Variants in SLIT2 observed in about 807,000 individuals in gnomAD.
SLIT2 encodes slit guidance ligand 2.
SLIT2 carries 41 observed loss-of-function variants against 185.7 expected under a neutral mutation model. The ratio of observed to expected loss-of-function variants is 0.22; its 90% CI spans 0.17 to 0.29. The LOEUF is 0.29. SLIT2 is among the 10% of genes least tolerant of loss of function. SLIT2 has a pLI of 1.00. For missense variants in SLIT2, 1,571 were observed against 1,909.0 expected, an observed-to-expected ratio of 0.82 and a Z score of 3.30; for synonymous variants, 693 against 680.2, an observed-to-expected ratio of 1.02 and a Z score of -0.29.
In SLIT2 at chr4:20,553,883, G is replaced by T. The variant is rs748008641; in HGVS notation, c.2640G>T (p.Glu880Asp). ...ACTGGGTGAAGTCGGAATATAAGGA[G>T]CCTGGAATTGCTCGTTGTGCTGGTC... Reference protein sequence around the residue: ...LSDWVKSEYKEPGIARCAGPG... With the variant: ...LSDWVKSEYKDPGIARCAGPG... The change falls in exon 26 of 37, where the codon GAG becomes GAT. Residue 880 changes from glutamate to aspartate, a missense_variant. Glu to Asp is a conservative substitution (Grantham distance 45). This residue lies in a region of SLIT2 where 1,202 missense variants were observed against 1,416.4 expected (regional missense o/e 0.85). Transcript: ENST00000504154. The T allele has an allele frequency of 6.2e-7, 1 of 1,612,614 alleles. No homozygotes were observed.
At chr4:20,318,303 C>T (rs1718769463) in intron 4 of SLIT2, among the ~76,000 whole-genome samples, 1 of 152,134 alleles carries the variant, frequency 6.6e-6, no homozygotes. Flanking sequence ...CAAAGAAGCT[C>T]GGGCCTAGCT....
chr4:20,524,606 C>G (rs1721124963), intron 14 of SLIT2, among the ~76,000 whole-genome samples: 1 of 152,178 alleles, frequency 6.6e-6, no homozygotes, highest in Non-Finnish European at 1.5e-5. Flanking sequence ...CTCAGAAGTA[C>G]AGGGGCGCCA....
At chr4:20,372,947 C>CAACA (rs1723719776) in intron 4 of SLIT2, among the ~76,000 whole-genome samples, 6 of 152,044 alleles carry the variant, frequency 3.9e-5, no homozygotes, top group Non-Finnish European at 8.8e-5. Flanking sequence ...CAGATATGAG[C>CAACA]ATCATGTTGT....
chr4:20,440,192 A>G (rs1729644326), intron 4 of SLIT2, among the ~76,000 whole-genome samples: 1 of 152,102 alleles, frequency 6.6e-6, no homozygotes, highest in Non-Finnish European at 1.5e-5. Context: ...TTGAAGAAAC[A>G]TAGTTAGGGG....
chr4:20,313,097 T>C (rs1232544968), intron 4 of SLIT2, among the ~76,000 whole-genome samples: 1 of 152,192 alleles, frequency 6.6e-6, no homozygotes, highest in Non-Finnish European at 1.5e-5. Context: ...GTCACATTTG[T>C]TGACTTTCTG....
intron 4 of SLIT2, among the ~76,000 whole-genome samples, chr4:20,275,946 T>G (rs1363256467): frequency 1.3e-5 from 2 of 152,140 alleles, no homozygotes; most frequent in East Asian, 3.8e-4. Context: ...ATTCTGAAAG[T>G]TGTTCAGAAG....
intron 28 of SLIT2, among the ~76,000 whole-genome samples, chr4:20,567,832 A>T (rs1725234612): frequency 6.6e-6 from 1 of 152,086 alleles, no homozygotes; most frequent in Non-Finnish European, 1.5e-5. Context: ...ACCAAAACTA[A>T]TTTACAAACA....
At chr4:20,572,436 A>G (rs1391603698) in intron 29 of SLIT2, among the ~76,000 whole-genome samples, 2 of 152,146 alleles carry the variant, frequency 1.3e-5, no homozygotes, top group African/African-American at 4.8e-5. Context: ...AGCTTGAGAG[A>G]ATTTTGTTGA....
intron 4 of SLIT2, among the ~76,000 whole-genome samples, chr4:20,422,576 G>A (rs1427954998): frequency 1.3e-5 from 2 of 152,088 alleles, no homozygotes; most frequent in South Asian, 2.1e-4. Flanking sequence ...GGTAAATAAC[G>A]AAATAATTAA....
intron 22 of SLIT2, among the ~76,000 whole-genome samples, chr4:20,547,796 A>G (rs1057383414): frequency 2.6e-5 from 4 of 151,736 alleles, no homozygotes; most frequent in East Asian, 3.9e-4. Flanking sequence ...TGAAATGTAA[A>G]TTACGACCCA....
intron 4 of SLIT2, among the ~76,000 whole-genome samples, chr4:20,392,580 TTATAATTTTTGAC>T (rs1159900989): frequency 1.3e-5 from 2 of 152,140 alleles, no homozygotes; most frequent in Non-Finnish European, 2.9e-5. Flanking sequence ...TTTTAATCAT[TTATAATTTTTGAC>T]TCAAGATAAC....
chr4:20,460,373 T>C (rs1331969667), intron 4 of SLIT2, among the ~76,000 whole-genome samples: 1 of 152,226 alleles, frequency 6.6e-6, no homozygotes, highest in Admixed American at 6.5e-5. Flanking sequence ...AACATAAATT[T>C]GTAGATATTC....
At chr4:20,497,662 A>G (rs1339772285) in intron 9 of SLIT2, among the ~76,000 whole-genome samples, 3 of 152,180 alleles carry the variant, frequency 2.0e-5, no homozygotes, top group Non-Finnish European at 4.4e-5. Flanking sequence ...TTCTCCACAC[A>G]GCACTTACCA....
rs1042315659 is a variant in SLIT2, at chr4:20,368,853, T to C, written c.396-98899T>C. Among the ~76,000 whole-genome samples the C allele has an allele frequency of 2.0e-5, 3 of 152,112 alleles. No individual in the cohort carries two copies. The East Asian group carries it at 5.8e-4, about 29-fold the overall frequency. On this transcript the variant is annotated intron_variant, in intron 4 of 36. Coordinates refer to ENST00000504154, the MANE Select transcript of SLIT2 (RefSeq NM_004787.4). ...CACTTACAGGATGACAGAAATGATATTTCTTCTCTCCTGAAACCCTGGGGT... is the reference window on the plus strand; with the variant it reads ...CACTTACAGGATGACAGAAATGATACTTCTTCTCTCCTGAAACCCTGGGGT...
At chr4:20,403,574 G>A (rs1726525440) in intron 4 of SLIT2, among the ~76,000 whole-genome samples, 1 of 151,940 alleles carries the variant, frequency 6.6e-6, no homozygotes. Context: ...ATTGAGAAAA[G>A]ACTACCTACT....
At chr4:20,463,327 T>C (rs1003342700) in intron 4 of SLIT2, among the ~76,000 whole-genome samples, 1 of 151,430 alleles carries the variant, frequency 6.6e-6, no homozygotes, top group Admixed American at 6.6e-5. Flanking sequence ...ATTTGGAAGG[T>C]GGCCTGGGTC....
chr4:20,345,694 C>A (rs1577472643), intron 4 of SLIT2, among the ~76,000 whole-genome samples: 1 of 18,458 alleles, frequency 5.4e-5, no homozygotes, highest in African/African-American at 9.0e-5. Flanking sequence ...CACCACCATG[C>A]CCGGCTAATT....
intron 4 of SLIT2, among the ~76,000 whole-genome samples, chr4:20,319,965 C>T (rs1324962321): frequency 3.3e-5 from 5 of 152,206 alleles, no homozygotes; most frequent in South Asian, 2.1e-4. Flanking sequence ...CTCCGACGCC[C>T]GTGAGAGTCC....
chr4:20,313,187 G>A (rs991727043), intron 4 of SLIT2, among the ~76,000 whole-genome samples: 6 of 152,176 alleles, frequency 3.9e-5, no homozygotes, highest in Admixed American at 3.9e-4. Context: ...AAGAAAAGAG[G>A]TTTAATTGGC....
Sources: gnomAD v4.1 joint callset for allele counts (sites outside exome capture counted in the v4.1 genomes callset) on GRCh38, gnomAD v4.1.1 for gene constraint, gnomAD v4.1.1 regional missense constraint, MANE v1.5 for transcripts, NCBI Gene and HGNC (gene_info 2026-07-23, HGNC 2026-07-21) for gene names.